Variants in SYTL5 observed in about 807,000 individuals in gnomAD.
The protein encoded by SYTL5 is synaptotagmin like 5.
SYTL5 carries 34 observed loss-of-function variants against 55.9 expected under a neutral mutation model. That is an observed-to-expected ratio of 0.61 (90% CI 0.46 to 0.81). The LOEUF is 0.81. Ranked by LOEUF, SYTL5 falls within the 30% of genes least tolerant of loss-of-function variation. The pLI is 0.00. For missense variants in SYTL5, 637 were observed against 546.7 expected, an observed-to-expected ratio of 1.17 and a Z score of -1.65; for synonymous variants, 221 against 188.7, an observed-to-expected ratio of 1.17 and a Z score of -1.40.
In SYTL5 at chrX:38,035,269, T is replaced by C. The variant is rs556435569; in HGVS notation, c.119+1261T>C. Among the ~76,000 whole-genome samples the C allele has an allele frequency of 2.3e-4, 26 of 112,436 alleles. No individual in the cohort carries two copies. The South Asian group carries it at 9.6e-3, about 42-fold the overall frequency. On this transcript the variant is annotated intron_variant, in intron 2 of 16. Coordinates refer to ENST00000297875, the MANE Select transcript of SYTL5 (RefSeq NM_138780.3). ...TCATGAATAATATTTTTGACATTAGTAGTCAAGTCATGAAAAGTAAACTAA... is the reference window on the plus strand; with the variant it reads ...TCATGAATAATATTTTTGACATTAGCAGTCAAGTCATGAAAAGTAAACTAA...
At chrX:37,922,129 C>G in the SYTL5 span, among the ~76,000 whole-genome samples, 1 of 112,074 alleles carries the variant, frequency 8.9e-6, no homozygotes, top group African/African-American at 3.2e-5. Flanking sequence ...ATCACCATCT[C>G]AAACATCAGA....
the SYTL5 span, among the ~76,000 whole-genome samples, chrX:37,966,328 T>C: frequency 9.0e-6 from 1 of 111,376 alleles, no homozygotes; most frequent in Non-Finnish European, 1.9e-5. Flanking sequence ...TAAAATGTCT[T>C]ATAGGAGTCT....
At chrX:38,115,084 T>A (rs761045975) in intron 13 of SYTL5, among the ~76,000 whole-genome samples, 9 of 112,171 alleles carry the variant, frequency 8.0e-5, no homozygotes, top group African/African-American at 2.9e-4. Flanking sequence ...ATATATACCA[T>A]ATTTTCTTTA....
chrX:37,898,058 C>A, the SYTL5 span, among the ~76,000 whole-genome samples: 35 of 111,397 alleles, frequency 3.1e-4, no homozygotes, highest in African/African-American at 1.1e-3. Flanking sequence ...AGATCACGCG[C>A]CACTGCACTG....
chrX:38,100,887 CA>C (rs1937068078), intron 9 of SYTL5, among the ~76,000 whole-genome samples: 1 of 110,652 alleles, frequency 9.0e-6, no homozygotes, highest in Non-Finnish European at 1.9e-5. Context: ...TACATATTCA[CA>C]GAATATACAT....
At chrX:38,048,652 A>G (rs1479820412) in intron 2 of SYTL5, among the ~76,000 whole-genome samples, 2 of 110,858 alleles carry the variant, frequency 1.8e-5, no homozygotes, top group Non-Finnish European at 3.8e-5. Flanking sequence ...GAAATTGTGC[A>G]GGGAAATTCC....
At position 38,106,638 on chromosome X, in the gene SYTL5, T is replaced by A. The variant is rs778676943; in HGVS notation, c.1201T>A (p.Tyr401Asn). 2 of 1,209,581 alleles carry A rather than the reference T, an allele frequency of 1.7e-6. No individual in the cohort carries two copies. The highest frequency in any genetic ancestry group is 3.6e-5 in the South Asian group (2 of 56,274). Residue 401 changes from tyrosine (Y) to asparagine (N), a missense_variant, in exon 11 of 17, where the codon TAT becomes AAT. Tyr to Asn is a moderately radical substitution (Grantham distance 143). Coordinates refer to ENST00000297875, the MANE Select transcript of SYTL5 (RefSeq NM_138780.3). ...MMSVYSETGD[Y>N]GNVKVSGEIL... The stretch of plus-strand genomic sequence containing the variant: ...GAGCGTTTACAGTGAAACGGGAGAC[T>A]ATGGCAACGTGAAAGTCAGTGGTGA...
the SYTL5 span, among the ~76,000 whole-genome samples, chrX:37,892,513 TTATA>T: frequency 1.0e-5 from 1 of 99,853 alleles, no homozygotes; most frequent in Non-Finnish European, 2.0e-5. Context: ...GTATAGTATG[TTATA>T]TATACATATA....
At chrX:37,963,806 G>T in the SYTL5 span, among the ~76,000 whole-genome samples, 1 of 111,527 alleles carries the variant, frequency 9.0e-6, no homozygotes, top group Non-Finnish European at 1.9e-5. Context: ...TTCTTGCCTT[G>T]CTCCTAATCT....
the SYTL5 span, chrX:37,990,868 C>T: frequency 1.3e-5 from 16 of 1,205,737 alleles, no homozygotes; most frequent in African/African-American, 8.8e-5. Flanking sequence ...TGTAAGAACT[C>T]GTCTACAAAT....
chrX:38,127,018 G>C lies in SYTL5; in HGVS notation c.*288G>C. 4.4e-6 allele frequency: 1 copy of C among 228,647 alleles called. No homozygotes were observed. Among genetic ancestry groups the C allele is most frequent in the Non-Finnish European group, 7.9e-6 (1 of 126,694 alleles). The allele number at this position is 228,647 out of a possible 1,213,427, so 18.8% of individuals were successfully genotyped here. A position where few individuals can be genotyped will look rare whatever the true frequency, so the allele number is the denominator to read the frequency against. On this transcript the variant is annotated 3_prime_UTR_variant, in exon 17 of 17. Transcript: ENST00000297875. ...GGCTTATAGGGTTTATGCCATAAAA[G>C]AAATGGCACAAGCCTCCATTTGCTA...
upstream of SYTL5, among the ~76,000 whole-genome samples, chrX:38,004,365 A>G: frequency 8.9e-6 from 1 of 111,828 alleles, no homozygotes. Flanking sequence ...AACCGTTTGT[A>G]GGTTCCTCAA....
intron 2 of SYTL5, among the ~76,000 whole-genome samples, chrX:38,041,740 A>C (rs1377375369): frequency 8.9e-6 from 1 of 112,504 alleles, no homozygotes; most frequent in Non-Finnish European, 1.9e-5. Flanking sequence ...CCATAGGCAC[A>C]GGGCCACAAA....
the SYTL5 span, among the ~76,000 whole-genome samples, chrX:37,991,928 T>G: frequency 8.9e-6 from 1 of 112,391 alleles, no homozygotes; most frequent in Non-Finnish European, 1.9e-5. Context: ...TGTCCTCTCT[T>G]CAGGACACTG....
chrX:37,895,488 T>TTC, the SYTL5 span, among the ~76,000 whole-genome samples: 31 of 83,477 alleles, frequency 3.7e-4, no homozygotes, highest in African/African-American at 2.2e-3. Context: ...CTCTCTCTTT[T>TTC]TTTCTTTCTT....
chrX:37,908,618 G>A, the SYTL5 span, among the ~76,000 whole-genome samples: 1 of 111,594 alleles, frequency 9.0e-6, no homozygotes, highest in African/African-American at 3.3e-5. Flanking sequence ...ATTAATCAAT[G>A]TAGCAAAAGC....
At position 38,108,651 on chromosome X, in the gene SYTL5, G is replaced by T; in HGVS notation, c.1386G>T (p.Lys462Asn). Residue 462 changes from lysine to asparagine, a missense_variant, in exon 12 of 17, where the codon AAG becomes AAT. Lys to Asn is a moderately conservative substitution (Grantham distance 94). Coordinates refer to ENST00000297875, the MANE Select transcript of SYTL5 (RefSeq NM_138780.3). ...ACAAGTCCCGGAACAACAAGCGTAAGACCAAAATCAGAACAGGCACCAATC... is the reference window on the plus strand; with the variant it reads ...ACAAGTCCCGGAACAACAAGCGTAATACCAAAATCAGAACAGGCACCAATC... ...LPDKSRNNKR[K>N]TKIRTGTNPE... The T allele has an allele frequency of 8.3e-7, 1 of 1,204,486 alleles. No homozygotes were observed. The highest frequency in any genetic ancestry group is 1.1e-6 in the Non-Finnish European group (1 of 891,196).
chrX:38,084,715 C>CA (rs201178736), intron 6 of SYTL5, among the ~76,000 whole-genome samples: 1 of 54,410 alleles, frequency 1.8e-5, no homozygotes, highest in African/African-American at 2.5e-4. Flanking sequence ...ACACAGAGAT[C>CA]AAAAACCTTT....
Position 38,127,994 on chromosome X carries a change from A to G in SYTL5, c.*1264A>G, listed in dbSNP as rs886974542. The G allele has an allele frequency of 8.9e-6, 1 of 112,295 alleles. No homozygotes were observed. Among genetic ancestry groups the G allele is most frequent in the Non-Finnish European group, 1.9e-5 (1 of 53,327 alleles). The allele number at this position is 112,295 out of a possible 1,213,427, so 9.3% of individuals were successfully genotyped here. A position where few individuals can be genotyped will look rare whatever the true frequency, so the allele number is the denominator to read the frequency against. ...AGGGCCAAGATGAAGAGGCAGGGAA[A>G]TATGCACTGCCCACAGTGAAGCCAT... On this transcript the variant is annotated 3_prime_UTR_variant, in exon 17 of 17. Coordinates refer to ENST00000297875, the MANE Select transcript of SYTL5 (RefSeq NM_138780.3).
Sources: allele counts gnomAD v4.1 joint callset (sites outside exome capture counted in the v4.1 genomes callset), GRCh38; gene constraint gnomAD v4.1.1; transcripts MANE v1.5; gene names NCBI Gene and HGNC (gene_info 2026-07-23, HGNC 2026-07-21).